Variants in AMPH observed in about 807,000 individuals in gnomAD.
AMPH encodes the protein amphiphysin, also known as amphiphysin (Stiff-Mann syndrome with breast cancer 128kD autoantigen).
In AMPH, 49 loss-of-function variants were observed where a neutral mutation model predicts 99.1. That is an observed-to-expected ratio of 0.49 (90% CI 0.39 to 0.63). The LOEUF (loss-of-function observed/expected upper bound fraction) is 0.63, where lower values mean the gene tolerates loss of function less well. Ranked by LOEUF, AMPH falls within the 20% of genes least tolerant of loss-of-function variation. AMPH has a pLI of 0.00. For missense variants in AMPH, 759 were observed against 863.4 expected, an observed-to-expected ratio of 0.88 and a Z score of 1.52; for synonymous variants, 314 against 317.3, an observed-to-expected ratio of 0.99 and a Z score of 0.11.
chr7:38,528,791 T>C (rs1790286725), intron 2 of AMPH, among the ~76,000 whole-genome samples: 2 of 152,010 alleles, frequency 1.3e-5, no homozygotes, highest in Admixed American at 1.3e-4. Flanking sequence ...TCTTTCAAGT[T>C]TCTTGAGGTA....
At chr7:38,571,133 A>G (rs1426880084) in intron 1 of AMPH, among the ~76,000 whole-genome samples, 1 of 65,902 alleles carries the variant, frequency 1.5e-5, no homozygotes, top group Non-Finnish European at 2.8e-5. Flanking sequence ...ATGAATATAT[A>G]TATTTTTATA....
intron 1 of AMPH, among the ~76,000 whole-genome samples, chr7:38,547,664 A>G (rs936521610): frequency 6.6e-6 from 1 of 152,228 alleles, no homozygotes; most frequent in Admixed American, 6.5e-5. Flanking sequence ...GGTCCTAATG[A>G]CATGTGCCCA....
chr7:38,479,930 T>G (rs1320774584), intron 5 of AMPH, among the ~76,000 whole-genome samples: 1 of 152,082 alleles, frequency 6.6e-6, no homozygotes, highest in Non-Finnish European at 1.5e-5. Context: ...TTAATTAGAC[T>G]GAGGCAAGCC....
chr7:38,462,794 C>T (rs1787500492), intron 10 of AMPH, among the ~76,000 whole-genome samples, 181 bp downstream of exon 10: 1 of 152,102 alleles, frequency 6.6e-6, no homozygotes, highest in African/African-American at 2.4e-5. Context: ...GAGGAAATAT[C>T]AAGTCAAATA....
intron 5 of AMPH, among the ~76,000 whole-genome samples, chr7:38,479,370 A>T (rs1788204807): frequency 6.6e-6 from 1 of 151,976 alleles, no homozygotes; most frequent in Non-Finnish European, 1.5e-5. Flanking sequence ...AAGATGAAAT[A>T]TTTTTTTTCA....
intron 17 of AMPH, among the ~76,000 whole-genome samples, chr7:38,408,926 G>A (rs1042551102): frequency 2.0e-5 from 3 of 152,120 alleles, no homozygotes; most frequent in African/African-American, 7.2e-5. Flanking sequence ...TTGCACTACA[G>A]AACTACAACT....
intron 17 of AMPH, among the ~76,000 whole-genome samples, chr7:38,407,234 T>C (rs1375193542): frequency 1.3e-5 from 2 of 148,268 alleles, no homozygotes; most frequent in Non-Finnish European, 3.0e-5. Flanking sequence ...TAGATAGATA[T>C]AGAGATATAT....
chr7:38,564,840 A>G (rs1040651695), intron 1 of AMPH, among the ~76,000 whole-genome samples: 3 of 152,182 alleles, frequency 2.0e-5, no homozygotes, highest in Non-Finnish European at 4.4e-5. Flanking sequence ...AAAGAAAAGA[A>G]CCGGCCGGGC....
chr7:38,427,649 C>CTTT (rs3056201), intron 14 of AMPH, among the ~76,000 whole-genome samples: 60,653 of 137,134 alleles, frequency 0.44, 14,205 homozygotes, highest in East Asian at 0.64. Flanking sequence ...GATGCTGCTG[C>CTTT]TTTTTTTTTT....
At chr7:38,497,109 T>A (rs1454683412) in intron 3 of AMPH, among the ~76,000 whole-genome samples, 9 of 152,130 alleles carry the variant, frequency 5.9e-5, no homozygotes, top group African/African-American at 2.2e-4. Context: ...TTTGAGAACA[T>A]CTACTCCATA....
At chr7:38,555,110 A>G (rs1382488096) in intron 1 of AMPH, among the ~76,000 whole-genome samples, 1 of 152,212 alleles carries the variant, frequency 6.6e-6, no homozygotes, top group Non-Finnish European at 1.5e-5. Flanking sequence ...CCACAGTCCC[A>G]TGTCAGGGCA....
At chr7:38,551,256 A>T (rs1791170747) in intron 1 of AMPH, among the ~76,000 whole-genome samples, 1 of 152,192 alleles carries the variant, frequency 6.6e-6, no homozygotes, top group African/African-American at 2.4e-5. Context: ...TGTGTGCCAT[A>T]GCATCATTAA....
At chr7:38,614,750 T>C (rs1224880624) in intron 1 of AMPH, among the ~76,000 whole-genome samples, 1 of 152,162 alleles carries the variant, frequency 6.6e-6, no homozygotes. Context: ...GGCCCCGAGG[T>C]AGAAGTGCCT....
At position 38,563,209 on chromosome 7, in the gene AMPH, T is replaced by A. The variant is rs1356126621; in HGVS notation, c.70-28198A>T. On this transcript the variant is annotated intron_variant, in intron 1 of 20. Coordinates refer to ENST00000356264, the MANE Select transcript of AMPH (RefSeq NM_001635.4). The stretch of plus-strand genomic sequence containing the variant: ...TTCCATGGTTCACCCAGGGGCAGCC[T>A]ATTAATTGCACACATAAATGCCCCC... Among the ~76,000 whole-genome samples, 3 of 152,190 alleles carry A rather than the reference T, an allele frequency of 2.0e-5. No homozygotes were observed. The East Asian group carries it at 5.8e-4, about 29-fold the overall frequency.
chr7:38,437,471 T>C (rs1786312323), intron 11 of AMPH, among the ~76,000 whole-genome samples: 1 of 151,506 alleles, frequency 6.6e-6, no homozygotes, highest in African/African-American at 2.4e-5. Flanking sequence ...TCACAGACAT[T>C]AAAAACTGAG....
intron 2 of AMPH, among the ~76,000 whole-genome samples, chr7:38,531,877 G>A (rs893984624): frequency 2.6e-5 from 4 of 152,140 alleles, no homozygotes; most frequent in East Asian, 1.9e-4. Context: ...TTTAGAGTAT[G>A]TAGCCTTTAG....
chr7:38,631,365 G>C lies in AMPH; in HGVS notation c.-14C>G, dbSNP rs772237201. ...GATGTCGGCCATGGCTGCGGGTCCG[G>C]GGAGCTGCGAAGAGCAGAGCGCGCA... On this transcript the variant is annotated 5_prime_UTR_variant, in exon 1 of 21. Coordinates refer to ENST00000356264, the MANE Select transcript of AMPH (RefSeq NM_001635.4). The C allele has an allele frequency of 1.3e-6, 2 of 1,542,742 alleles. No homozygotes were observed. Among genetic ancestry groups the C allele is most frequent in the Non-Finnish European group, 1.7e-6 (2 of 1,145,780 alleles).
chr7:38,431,154 C>T (rs1786004958), intron 13 of AMPH, among the ~76,000 whole-genome samples: 1 of 152,224 alleles, frequency 6.6e-6, no homozygotes, highest in Non-Finnish European at 1.5e-5. Context: ...GTTTGTGACA[C>T]TTTCCCAAGT....
At position 38,419,034 on chromosome 7, in the gene AMPH, C is replaced by T. The variant is rs183566655; in HGVS notation, c.1273-1084G>A. On this transcript the variant is annotated intron_variant, in intron 16 of 20. Transcript: ENST00000356264. Reference sequence around the variant, plus strand: ...TATGATTCTTTCACTAAATGAATGGCCATTAGAGGGCTCATAAGATCCTTT... The same window carrying T: ...TATGATTCTTTCACTAAATGAATGGTCATTAGAGGGCTCATAAGATCCTTT... Among the ~76,000 whole-genome samples, 27 of 151,760 alleles carry T rather than the reference C, an allele frequency of 1.8e-4. No individual in the cohort carries two copies. The East Asian group carries it at 4.8e-3, about 27-fold the overall frequency.
Sources: gnomAD v4.1 joint callset for allele counts (sites outside exome capture counted in the v4.1 genomes callset) on GRCh38, gnomAD v4.1.1 for gene constraint, MANE v1.5 for transcripts, NCBI Gene and HGNC (gene_info 2026-07-23, HGNC 2026-07-21) for gene names.